CPQ: variants seen among roughly 807,000 people sequenced by gnomAD.
CPQ encodes the protein carboxypeptidase Q, also known as Ser-Met dipeptidase.
Under a neutral mutation model 45.7 loss-of-function variants are expected in CPQ, and 37 were observed. The observed-to-expected ratio is 0.81, with a 90% CI of 0.62 to 1.07. CPQ has a LOEUF of 1.07. Ranked by LOEUF, CPQ falls within the 50% of genes least tolerant of loss-of-function variation. The pLI, the probability that CPQ is intolerant of heterozygous loss-of-function variation, is 0.00. For missense variants in CPQ, 537 were observed against 572.9 expected, an observed-to-expected ratio of 0.94 and a Z score of 0.64; for synonymous variants, 186 against 205.8, an observed-to-expected ratio of 0.90 and a Z score of 0.82.
In CPQ at chr8:96,879,935, C is replaced by T. The variant is rs756363859; in HGVS notation, c.779C>T (p.Ala260Val). The T allele has an allele frequency of 7.4e-6, 12 of 1,614,012 alleles. No individual in the cohort carries two copies. Among genetic ancestry groups the T allele is most frequent in the Non-Finnish European group, 1.0e-5 (12 of 1,179,972 alleles). ...ATTGTCATTCAGCTAAAGATGGGGG[C>T]AAAGACCTACCCAGATACTGATTCC... is the stretch of plus-strand genomic sequence containing the variant. ...IKIVIQLKMG[A>V]KTYPDTDSFN... Residue 260 changes from alanine (A) to valine (V), a missense_variant, in exon 4 of 8, where the codon GCA becomes GTA. Ala to Val is a moderately conservative substitution (Grantham distance 64). Transcript: ENST00000220763.
chr8:96,861,785 G>C (rs1238030207), intron 3 of CPQ, among the ~76,000 whole-genome samples: 1 of 152,122 alleles, frequency 6.6e-6, no homozygotes, highest in Non-Finnish European at 1.5e-5. Context: ...GAAGCCTAGA[G>C]AGAGGCCAGG....
chr8:96,825,956 A>G (rs1811374096), intron 2 of CPQ, among the ~76,000 whole-genome samples: 1 of 152,126 alleles, frequency 6.6e-6, no homozygotes, highest in Admixed American at 6.6e-5. Flanking sequence ...CTTGGTTTAT[A>G]AAGATGGAAT....
intron 1 of CPQ, among the ~76,000 whole-genome samples, chr8:96,740,847 C>T (rs1810076605): frequency 6.6e-6 from 1 of 152,172 alleles, no homozygotes; most frequent in Non-Finnish European, 1.5e-5. Context: ...TTTTGAGGTG[C>T]TGCTGGATTC....
At chr8:96,939,279 A>G (rs1359598372) in intron 4 of CPQ, among the ~76,000 whole-genome samples, 1 of 152,190 alleles carries the variant, frequency 6.6e-6, no homozygotes, top group African/African-American at 2.4e-5. Context: ...TTGGGTTTCT[A>G]TGAGAATCTA....
chr8:96,939,962 T>C (rs1211299408), intron 4 of CPQ, among the ~76,000 whole-genome samples: 1 of 152,174 alleles, frequency 6.6e-6, no homozygotes, highest in Non-Finnish European at 1.5e-5. Flanking sequence ...GTTGTTCCTT[T>C]TCCTCCTTAG....
At chr8:96,931,132 A>G (rs1812969550) in intron 4 of CPQ, among the ~76,000 whole-genome samples, 1 of 152,222 alleles carries the variant, frequency 6.6e-6, no homozygotes, top group African/African-American at 2.4e-5. Flanking sequence ...GGTTGAAGCA[A>G]AGATCATGCT....
At chr8:96,960,100 A>C (rs991378667) in intron 4 of CPQ, among the ~76,000 whole-genome samples, 6 of 152,202 alleles carry the variant, frequency 3.9e-5, no homozygotes, top group African/African-American at 1.4e-4. Context: ...TAAGCATGCC[A>C]AGAAAATAAG....
intron 4 of CPQ, among the ~76,000 whole-genome samples, chr8:96,932,512 T>C (rs1326582949): frequency 6.6e-6 from 1 of 152,234 alleles, no homozygotes; most frequent in Non-Finnish European, 1.5e-5. Context: ...GAACTAGAGT[T>C]CGTTAAATGG....
intron 1 of CPQ, among the ~76,000 whole-genome samples, chr8:96,665,937 G>A (rs1808919519): frequency 6.6e-6 from 1 of 152,140 alleles, no homozygotes; most frequent in African/African-American, 2.4e-5. Context: ...ATTGCCAATG[G>A]AAAATATAAT....
intron 1 of CPQ, among the ~76,000 whole-genome samples, chr8:96,737,600 G>A (rs1021939294): frequency 2.0e-5 from 3 of 151,844 alleles, no homozygotes; most frequent in Non-Finnish European, 4.4e-5. Context: ...TCATTAGATA[G>A]TGCCCACCAG....
chr8:96,753,436 T>C (rs1376114185), intron 1 of CPQ, among the ~76,000 whole-genome samples: 1 of 152,116 alleles, frequency 6.6e-6, no homozygotes, highest in Non-Finnish European at 1.5e-5. Context: ...TATAAATTAA[T>C]TTTGGAATAA....
chr8:97,126,181 G>A (rs886304298), intron 7 of CPQ, among the ~76,000 whole-genome samples: 1 of 152,076 alleles, frequency 6.6e-6, no homozygotes, highest in Non-Finnish European at 1.5e-5. Context: ...CGATGGGTAC[G>A]CTAAAAGCCC....
At position 96,979,444 on chromosome 8, in the gene CPQ, C is replaced by T. The variant is rs535972987; in HGVS notation, c.961+13398C>T. Reference sequence around the variant, plus strand: ...GCTGTGGTGGATGAGCCAGCTTCTACTTCTCTATGTTAAATATACCAAAGA... The same window carrying T: ...GCTGTGGTGGATGAGCCAGCTTCTATTTCTCTATGTTAAATATACCAAAGA... On this transcript the variant is annotated intron_variant, in intron 5 of 7. Transcript: ENST00000220763. 3.9e-5 allele frequency among the ~76,000 whole-genome samples: 6 copies of T among 152,330 alleles called. No individual in the cohort carries two copies. The South Asian group carries it at 1.2e-3, about 32-fold the overall frequency.
intron 5 of CPQ, among the ~76,000 whole-genome samples, chr8:96,980,846 G>A (rs1183067682): frequency 6.6e-6 from 1 of 152,170 alleles, no homozygotes; most frequent in Non-Finnish European, 1.5e-5. Context: ...CACTGTTGTA[G>A]TGAAGAGCAC....
chr8:96,888,874 G>A (rs1412523325), intron 4 of CPQ, among the ~76,000 whole-genome samples: 1 of 152,142 alleles, frequency 6.6e-6, no homozygotes, highest in Non-Finnish European at 1.5e-5. Flanking sequence ...CATTAATTCA[G>A]CATCTATTTA....
intron 7 of CPQ, among the ~76,000 whole-genome samples, chr8:97,130,321 A>G (rs1019464511): frequency 6.6e-6 from 1 of 151,844 alleles, no homozygotes; most frequent in African/African-American, 2.4e-5. Flanking sequence ...AGCATCGTTT[A>G]CCTTGCCCCG....
intron 1 of CPQ, among the ~76,000 whole-genome samples, chr8:96,749,874 A>G (rs768355083): frequency 6.6e-6 from 1 of 152,172 alleles, no homozygotes; most frequent in Non-Finnish European, 1.5e-5. Context: ...TTTCCTAATG[A>G]CATACTCTAA....
At chr8:97,050,343 A>G (rs1012308838) in intron 6 of CPQ, among the ~76,000 whole-genome samples, 3 of 152,192 alleles carry the variant, frequency 2.0e-5, no homozygotes, top group Admixed American at 2.0e-4. Context: ...CTGTGTGATG[A>G]AGTTTGCATG....
chr8:96,790,153 T>TG (rs1490870740), intron 2 of CPQ, among the ~76,000 whole-genome samples: 3 of 152,178 alleles, frequency 2.0e-5, no homozygotes, highest in Admixed American at 1.3e-4. Flanking sequence ...CTGCACTAAA[T>TG]GAAGTCACTA....
Sources: allele counts gnomAD v4.1 joint callset (sites outside exome capture counted in the v4.1 genomes callset), GRCh38; gene constraint gnomAD v4.1.1; transcripts MANE v1.5; gene names NCBI Gene and HGNC (gene_info 2026-07-23, HGNC 2026-07-21).